GTF2E2: variants seen among roughly 807,000 people sequenced by gnomAD.
The protein encoded by GTF2E2 is general transcription factor IIE subunit 2, also known as transcription initiation factor IIE subunit beta.
In GTF2E2, 21 loss-of-function variants were observed where a neutral mutation model predicts 40.5. The ratio of observed to expected loss-of-function variants is 0.52; its 90% confidence interval spans 0.37 to 0.75. The LOEUF is 0.75. Among genes scored for constraint, GTF2E2 ranks in the 30% least tolerant of loss-of-function variants. GTF2E2 has a pLI of 0.00. For missense variants in GTF2E2, 298 were observed against 338.4 expected, an observed-to-expected ratio of 0.88 and a Z score of 0.94; for synonymous variants, 117 against 121.6, an observed-to-expected ratio of 0.96 and a Z score of 0.25.
At position 30,613,112 on chromosome 8, in the gene GTF2E2, G is replaced by A. The variant is rs191434854; in HGVS notation, c.367-631C>T. On this transcript the variant is annotated intron_variant, in intron 4 of 7. Transcript: ENST00000355904. Reference sequence around the variant, plus strand: ...CATATTCTTCTAGTAGTCAAAATGTGTAGGAATCAATAAAACACCTACAAA... The same window carrying A: ...CATATTCTTCTAGTAGTCAAAATGTATAGGAATCAATAAAACACCTACAAA... Among the ~76,000 whole-genome samples the A allele has an allele frequency of 4.5e-4, 69 of 152,330 alleles. 1 individual carries two copies. Among genetic ancestry groups the A allele is most frequent in the African/African-American group, 1.6e-3 (68 of 41,560 alleles).
At chr8:30,629,148 T>A (rs1358603457) in intron 3 of GTF2E2, among the ~76,000 whole-genome samples, 2 of 152,184 alleles carry the variant, frequency 1.3e-5, no homozygotes, top group Non-Finnish European at 2.9e-5. Context: ...TCATATATTT[T>A]AAAAAATTTT....
chr8:30,580,230 C>G (rs745754912), intron 7 of GTF2E2, 51 bp downstream of exon 7: 2 of 1,010,242 alleles, frequency 2.0e-6, no homozygotes, highest in South Asian at 1.3e-5. Flanking sequence ...GCGGAGCAGG[C>G]TAACAGTTCC....
At chr8:30,647,158 G>C (rs1802115100) in intron 2 of GTF2E2, among the ~76,000 whole-genome samples, 1 of 152,052 alleles carries the variant, frequency 6.6e-6, no homozygotes, top group South Asian at 2.1e-4. Flanking sequence ...GGTATATTAA[G>C]AGGGCTGTGG....
rs887255411 is a variant in GTF2E2, at chr8:30,635,074, T to A, written c.216A>T (p.Gly72=). The part of the protein sequence containing the change: ...FNLKALSGSS[G]YKFGVLAKIV... Reference sequence around the variant, plus strand: ...TCTTAGCAAGAACACCAAACTTATATCCAGAGCTTCCTGACAAAGCTTTCA... The same window carrying A: ...TCTTAGCAAGAACACCAAACTTATAACCAGAGCTTCCTGACAAAGCTTTCA... Residue 72 remains glycine (G), a synonymous_variant, in exon 3 of 8, where the codon GGA becomes GGT. Coordinates refer to ENST00000355904, the MANE Select transcript of GTF2E2 (RefSeq NM_002095.6). 3.7e-6 allele frequency: 6 copies of A among 1,609,126 alleles called. No individual in the cohort carries two copies. Among genetic ancestry groups the A allele is most frequent in the Non-Finnish European group, 5.1e-6 (6 of 1,176,128 alleles).
intron 3 of GTF2E2, among the ~76,000 whole-genome samples, chr8:30,620,207 C>T (rs1307751925): frequency 6.7e-6 from 1 of 150,138 alleles, no homozygotes; most frequent in Non-Finnish European, 1.5e-5. Flanking sequence ...TGGTAATTTA[C>T]AGCAGCAATA....
chr8:30,603,026 C>G (rs1231109074), intron 6 of GTF2E2, among the ~76,000 whole-genome samples: 2 of 152,154 alleles, frequency 1.3e-5, no homozygotes, highest in Non-Finnish European at 2.9e-5. Flanking sequence ...TTCTTCCTAG[C>G]ATTTCATACA....
intron 3 of GTF2E2, among the ~76,000 whole-genome samples, chr8:30,618,811 A>C (rs537006873): frequency 1.3e-5 from 2 of 152,338 alleles, no homozygotes; most frequent in East Asian, 3.9e-4. Flanking sequence ...AAATAAATTC[A>C]TGCCATGGAA....
At chr8:30,598,150 C>T (rs1016729780) in intron 6 of GTF2E2, among the ~76,000 whole-genome samples, 12 of 152,120 alleles carry the variant, frequency 7.9e-5, no homozygotes, top group African/African-American at 2.9e-4. Flanking sequence ...ACAATAAAGG[C>T]AAAATGGGAA....
At chr8:30,621,195 C>G (rs762898528) in intron 3 of GTF2E2, among the ~76,000 whole-genome samples, 3 of 151,852 alleles carry the variant, frequency 2.0e-5, no homozygotes, top group African/African-American at 7.3e-5. Context: ...AAAAGGCCAA[C>G]CTAACCTGGA....
chr8:30,634,707 T>C (rs1247803048), intron 3 of GTF2E2, among the ~76,000 whole-genome samples: 1 of 152,086 alleles, frequency 6.6e-6, no homozygotes, highest in Non-Finnish European at 1.5e-5. Context: ...ATCAATCACA[T>C]CCTCCCATTG....
At chr8:30,631,406 T>C (rs192059225) in intron 3 of GTF2E2, among the ~76,000 whole-genome samples, 60 of 152,308 alleles carry the variant, frequency 3.9e-4, no homozygotes, top group African/African-American at 1.3e-3. Context: ...TGGAACAATA[T>C]CAATTAGGGA....
chr8:30,588,227 T>C (rs1208652755), intron 6 of GTF2E2, among the ~76,000 whole-genome samples: 1 of 152,218 alleles, frequency 6.6e-6, no homozygotes, highest in Non-Finnish European at 1.5e-5. Flanking sequence ...TGGATATTTA[T>C]TCTAAGGACT....
chr8:30,640,100 T>C (rs1416301860), intron 2 of GTF2E2, among the ~76,000 whole-genome samples: 1 of 152,224 alleles, frequency 6.6e-6, no homozygotes, highest in Middle Eastern at 3.2e-3. Flanking sequence ...GGAATATGTC[T>C]ATTGTTAGCA....
At chr8:30,580,497 G>A (rs543415061) in intron 6 of GTF2E2, 101 bp from the exon 7 acceptor site, 4 of 699,310 alleles carry the variant, frequency 5.7e-6, no homozygotes, top group Non-Finnish European at 1.0e-5. Flanking sequence ...GGATCCAAAT[G>A]AGCACATCTG....
At chr8:30,580,204 C>A in intron 7 of GTF2E2, 77 bp downstream of exon 7, 1 of 811,636 alleles carries the variant, frequency 1.2e-6, no homozygotes, top group Non-Finnish European at 2.1e-6. Flanking sequence ...ACTCCCAGCT[C>A]TTCAGAGGGC....
intron 6 of GTF2E2, among the ~76,000 whole-genome samples, chr8:30,595,683 T>C (rs1392261710): frequency 1.3e-5 from 2 of 152,070 alleles, no homozygotes; most frequent in Non-Finnish European, 2.9e-5. Flanking sequence ...TACAAAAAAA[T>C]TAGCTAGATG....
chr8:30,653,344 T>C, intron 2 of GTF2E2, 89 bp downstream of exon 2: 2 of 943,878 alleles, frequency 2.1e-6, no homozygotes, highest in Non-Finnish European at 3.3e-6. Context: ...ACATGAGTGC[T>C]GAACTGAAAA....
intron 6 of GTF2E2, among the ~76,000 whole-genome samples, chr8:30,583,832 G>T (rs1358087962): frequency 6.6e-6 from 1 of 151,522 alleles, no homozygotes; most frequent in Non-Finnish European, 1.5e-5. Flanking sequence ...TTGAGATGGA[G>T]TCTCGCACTG....
chr8:30,621,787 T>A (rs998470879), intron 3 of GTF2E2, among the ~76,000 whole-genome samples: 2 of 152,066 alleles, frequency 1.3e-5, no homozygotes, highest in Non-Finnish European at 2.9e-5. Flanking sequence ...GTGGTTTTAC[T>A]TCTTCCTTTC....
Sources: gnomAD v4.1 joint callset for allele counts (sites outside exome capture counted in the v4.1 genomes callset) on GRCh38, gnomAD v4.1.1 for gene constraint, MANE v1.5 for transcripts, NCBI Gene and HGNC (gene_info 2026-07-23, HGNC 2026-07-21) for gene names.